The following PVALB variants were observed in gnomAD, a reference collection of about 807,000 sequenced individuals.
PVALB encodes the protein parvalbumin alpha.
PVALB carries 11 observed loss-of-function variants against 10.9 expected under a neutral mutation model. That is an observed-to-expected ratio of 1.01 (90% CI 0.63 to 1.67). The LOEUF (loss-of-function observed/expected upper bound fraction) is 1.67, where lower values mean the gene tolerates loss of function less well. Among genes scored for constraint, PVALB ranks in the 40% most tolerant of loss-of-function variants. PVALB has a pLI of 0.00. For synonymous variants in PVALB, 57 were observed against 50.7 expected, an observed-to-expected ratio of 1.12 and a Z score of -0.53; for missense variants, 131 against 136.2, an observed-to-expected ratio of 0.96 and a Z score of 0.19.
intron 3 of PVALB, among the ~76,000 whole-genome samples, chr22:36,803,713 GTGGGTGGT>G (rs1439502664): frequency 2.4e-5 from 3 of 125,980 alleles, no homozygotes; most frequent in African/African-American, 8.2e-5. Context: ...GGATGGATGG[GTGGGTGGT>G]TGGGTGGGTG....
At position 36,810,822 on chromosome 22, in the gene PVALB, C is replaced by T. The variant is rs534106768; in HGVS notation, c.304+2824G>A. On this transcript the variant is annotated intron_variant, in intron 3 of 3. Transcript: ENST00000417718. ...AAAAGTTTCCAGCCTTGGCTGATGC[C>T]AATACCTTGCCTGGACCCCACTCCC... is the stretch of plus-strand genomic sequence containing the variant. Among the ~76,000 whole-genome samples, 8 of 152,346 alleles carry T rather than the reference C, an allele frequency of 5.3e-5. No homozygotes were observed. The East Asian group carries it at 1.5e-3, about 29-fold the overall frequency.
chr22:36,803,134 G>C (rs962843619), intron 3 of PVALB, among the ~76,000 whole-genome samples: 2 of 152,162 alleles, frequency 1.3e-5, no homozygotes, highest in African/African-American at 4.8e-5. Flanking sequence ...AGACACCTTT[G>C]TCTGCATTTT....
chr22:36,808,392 G>A (rs998899096), intron 3 of PVALB, among the ~76,000 whole-genome samples: 3 of 152,182 alleles, frequency 2.0e-5, no homozygotes, highest in Non-Finnish European at 4.4e-5. Context: ...ACACATGCTC[G>A]TGTGAGGCAG....
At chr22:36,813,388 C>T (rs1939077322) in intron 3 of PVALB, 2 of 449,522 alleles carry the variant, frequency 4.4e-6, no homozygotes, top group Non-Finnish European at 8.0e-6. Context: ...ATCCCAAATC[C>T]TCCTGGATCC....
At position 36,810,442 on chromosome 22, in the gene PVALB, G is replaced by T. The variant is rs574984960; in HGVS notation, c.304+3204C>A. On this transcript the variant is annotated intron_variant, in intron 3 of 3. Transcript: ENST00000417718. Reference sequence around the variant, plus strand: ...TTAGGGGGTTGGGAGTGAGGAAGGGGGCATCTGCATCTTCCCACCTCAAAA... The same window carrying T: ...TTAGGGGGTTGGGAGTGAGGAAGGGTGCATCTGCATCTTCCCACCTCAAAA... Among the ~76,000 whole-genome samples the T allele has an allele frequency of 3.9e-5, 6 of 152,294 alleles. No homozygotes were observed. The South Asian group carries it at 6.2e-4, about 16-fold the overall frequency.
chr22:36,815,090 G>GGCCTCCGCTTT lies in PVALB; in HGVS notation c.194+12_194+13insAAAGCGGAGGC. ...AGCCGTGGGCTGGGCAGCCCCTGCA[G>GGCCTCCGCTTT]GCCTCCGCTTACCCCAGCTCATCCT... On this transcript the variant is annotated intron_variant, in intron 2 of 3. Coordinates refer to ENST00000417718, the MANE Select transcript of PVALB (RefSeq NM_001315532.2). The GGCCTCCGCTTT allele has an allele frequency of 1.2e-6, 2 of 1,613,886 alleles. No homozygotes were observed.
chr22:36,813,788 A>C (rs1295732538), intron 2 of PVALB, 33 bp from the exon 3 acceptor site: 1 of 1,545,390 alleles, frequency 6.5e-7, no homozygotes, highest in Non-Finnish European at 8.9e-7. Flanking sequence ...CCGGTGAGGG[A>C]GTCAGGCCGA....
chr22:36,814,360 A>T (rs1939099904), intron 2 of PVALB, among the ~76,000 whole-genome samples: 1 of 152,060 alleles, frequency 6.6e-6, no homozygotes, highest in Non-Finnish European at 1.5e-5. Context: ...GATTCTAGAC[A>T]GAAGGTACCC....
intron 3 of PVALB, among the ~76,000 whole-genome samples, chr22:36,811,687 T>C (rs553920390): frequency 2.6e-5 from 4 of 152,192 alleles, no homozygotes; most frequent in Admixed American, 2.0e-4. Context: ...AGGTATGGCA[T>C]ATTGGCTGCA....
At chr22:36,811,840 G>A (rs1370321393) in intron 3 of PVALB, among the ~76,000 whole-genome samples, 4 of 152,060 alleles carry the variant, frequency 2.6e-5, no homozygotes, top group Non-Finnish European at 5.9e-5. Context: ...CCCAGGAGCG[G>A]CCAAGCCAAT....
chr22:36,813,934 G>A (rs939654102), intron 2 of PVALB, among the ~76,000 whole-genome samples, 179 bp from the exon 3 acceptor site: 1 of 152,158 alleles, frequency 6.6e-6, no homozygotes, highest in Non-Finnish European at 1.5e-5. Flanking sequence ...CTGTGCTTTC[G>A]TGGGTGAGTA....
chr22:36,815,407 C>CCTTG, intron 1 of PVALB, 172 bp from the exon 2 acceptor site: 2 of 858,338 alleles, frequency 2.3e-6, no homozygotes, highest in East Asian at 5.4e-5. Context: ...GGAGGATAAC[C>CCTTG]TGTCCAAGGT....
At chr22:36,806,837 T>C (rs867231933) in intron 3 of PVALB, among the ~76,000 whole-genome samples, 1 of 152,140 alleles carries the variant, frequency 6.6e-6, no homozygotes, top group Non-Finnish European at 1.5e-5. Context: ...TGAGTGTCAC[T>C]GTGTCACTCA....
At chr22:36,802,657 A>G (rs1938887479) in intron 3 of PVALB, among the ~76,000 whole-genome samples, 1 of 150,848 alleles carries the variant, frequency 6.6e-6, no homozygotes, top group South Asian at 2.1e-4. Context: ...GGCCCTGGCT[A>G]GATGAAGGGA....
At chr22:36,817,642 GGCCCACTTCGGGT>G (rs1325424913), upstream of PVALB, 1 of 153,920 alleles carries the variant, frequency 6.5e-6, no homozygotes, top group Admixed American at 6.5e-5. Context: ...GAGCTGCTGG[GGCCCACTTCGGGT>G]GCCCCATCCC....
chr22:36,808,173 G>C lies in PVALB; in HGVS notation c.304+5473C>G, dbSNP rs139821818. Among the ~76,000 whole-genome samples, 167 of 152,334 alleles carry C rather than the reference G, an allele frequency of 1.1e-3. 1 individual carries two copies. The highest frequency in any genetic ancestry group is 8.4e-3 in the Admixed American group (129 of 15,312). ...GGGCCCTGAGGCTTCACAGCAAGTCGCTCTGCTTCCCGGGGCCTCAGATTC... is the reference window on the plus strand; with the variant it reads ...GGGCCCTGAGGCTTCACAGCAAGTCCCTCTGCTTCCCGGGGCCTCAGATTC... On this transcript the variant is annotated intron_variant, in intron 3 of 3. Coordinates refer to ENST00000417718, the MANE Select transcript of PVALB (RefSeq NM_001315532.2).
At position 36,815,345 on chromosome 22, in the gene PVALB, G is replaced by A. The variant is rs2080761506; in HGVS notation, c.62-110C>T. On this transcript the variant is annotated intron_variant, in intron 1 of 3. Coordinates refer to ENST00000417718, the MANE Select transcript of PVALB (RefSeq NM_001315532.2). ...TGATGGATTCCCACATGCCAGTCAT[G>A]GGGAATGAGAGGTACCCACCTCCAT... 3.5e-6 allele frequency: 5 copies of A among 1,433,228 alleles called. No individual in the cohort carries two copies. The Admixed American group carries it at 8.9e-5, about 25-fold the overall frequency. The allele number at this position is 1,433,228 out of a possible 1,614,324, so 88.8% of individuals were successfully genotyped here. A position where few individuals can be genotyped will look rare whatever the true frequency, so the allele number is the denominator to read the frequency against.
At chr22:36,808,124 A>G (rs757287246) in intron 3 of PVALB, among the ~76,000 whole-genome samples, 4 of 152,174 alleles carry the variant, frequency 2.6e-5, no homozygotes, top group Non-Finnish European at 4.4e-5. Context: ...CTGCAGCAAG[A>G]TATTAGGAGT....
rs1200014157 is a variant in PVALB at position 36,815,193 on chromosome 22, C to G, written c.104G>C (p.Gly35Ala). 1 of 1,614,192 alleles carries G rather than the reference C, an allele frequency of 6.2e-7. No individual in the cohort carries two copies. Among genetic ancestry groups the G allele is most frequent in the Admixed American group, 1.7e-5 (1 of 60,032 alleles). The change falls in exon 2 of 4, where the codon GGC becomes GCC. Residue 35 changes from glycine (G) to alanine (A), a missense_variant. Physicochemically the swap from Gly to Ala is moderately conservative, Grantham distance 60 (BLOSUM62 0). Transcript: ENST00000417718. ...FDHKKFFQMV[G>A]LKKKSADDVK... ...ATCATCCGCACTCTTTTTCTTCAGG[C>G]CGACCATTTGGAAGAACTTTTTGTG...
Sources: allele counts gnomAD v4.1 joint callset (sites outside exome capture counted in the v4.1 genomes callset), GRCh38; gene constraint gnomAD v4.1.1; transcripts MANE v1.5; gene names NCBI Gene and HGNC (gene_info 2026-07-23, HGNC 2026-07-21).